AHCY: variants seen among roughly 807,000 people sequenced by gnomAD.
The protein encoded by AHCY is adenosylhomocysteinase.
In AHCY, 24 loss-of-function variants were observed where a neutral mutation model predicts 45.4. The ratio of observed to expected loss-of-function variants is 0.53; its 90% CI spans 0.38 to 0.74. The LOEUF is 0.74. Among genes scored for constraint, AHCY ranks in the 30% least tolerant of loss-of-function variants. The pLI is 0.00. For synonymous variants in AHCY, 245 were observed against 235.1 expected (o/e 1.04, Z -0.39); for missense variants, 449 against 594.1 (o/e 0.76, Z 2.54).
chr20:34,233,691 G>T, the AHCY span, among the ~76,000 whole-genome samples: 624 of 152,254 alleles, frequency 4.1e-3, 5 homozygotes, highest in African/African-American at 0.014. Flanking sequence ...TAAGCCCATT[G>T]TTGATGAGTT....
chr20:34,244,091 C>T, the AHCY span, among the ~76,000 whole-genome samples: 2 of 152,072 alleles, frequency 1.3e-5, no homozygotes, highest in Non-Finnish European at 2.9e-5. Context: ...CAAAAAAACT[C>T]TCATTCAAGA....
chr20:34,309,771 G>C (rs752679262), intron 1 of AHCY, among the ~76,000 whole-genome samples: 34 of 151,968 alleles, frequency 2.2e-4, no homozygotes, highest in Admixed American at 5.2e-4. Flanking sequence ...ACAAGAGCAA[G>C]ACTCTGTCTC....
At chr20:34,302,614 A>G (rs1235009346) in intron 1 of AHCY, 1 of 985,480 alleles carries the variant, frequency 1.0e-6, no homozygotes, top group Admixed American at 6.1e-5. Flanking sequence ...TCCCTGTATT[A>G]CACTTCAATC....
chr20:34,251,302 G>A, the AHCY span, among the ~76,000 whole-genome samples: 2 of 149,808 alleles, frequency 1.3e-5, no homozygotes, highest in South Asian at 2.1e-4. Context: ...ACAGAGTCTC[G>A]CTCCGTCGCC....
At chr20:34,249,103 T>C in the AHCY span, among the ~76,000 whole-genome samples, 1 of 151,966 alleles carries the variant, frequency 6.6e-6, no homozygotes, top group African/African-American at 2.4e-5. Context: ...CACTCCAGCC[T>C]GGGTGACAGA....
At chr20:34,311,655 T>C (rs2036950089) in exon 1 of AHCY, 1 of 152,492 alleles carries the variant, frequency 6.6e-6, no homozygotes, top group Non-Finnish European at 1.5e-5. Context: ...ACTGGAGGCT[T>C]CGAGATGGGA....
intron 9 of AHCY, among the ~76,000 whole-genome samples, chr20:34,283,204 C>T (rs539001754): frequency 1.9e-4 from 29 of 152,194 alleles, no homozygotes; most frequent in African/African-American, 6.7e-4. Flanking sequence ...CTCCCAGCAC[C>T]CTGAACCAGA....
chr20:34,302,830 GCC>G, intron 1 of AHCY: 1 of 985,428 alleles, frequency 1.0e-6, no homozygotes, highest in Non-Finnish European at 1.2e-6. Flanking sequence ...CCTGTAGGAG[GCC>G]CAGAGAGGGG....
At chr20:34,303,742 C>T (rs1239716402), upstream of AHCY, among the ~76,000 whole-genome samples, 1 of 152,158 alleles carries the variant, frequency 6.6e-6, no homozygotes, top group Non-Finnish European at 1.5e-5. Flanking sequence ...ACCTGTAATC[C>T]CAGCACTTTG....
the AHCY span, among the ~76,000 whole-genome samples, chr20:34,253,509 G>A: frequency 6.7e-6 from 1 of 150,320 alleles, no homozygotes; most frequent in Admixed American, 6.6e-5. Context: ...GTCTTGCTCC[G>A]TTGCCCAGGC....
the AHCY span, among the ~76,000 whole-genome samples, chr20:34,270,246 T>C: frequency 3.3e-5 from 5 of 150,900 alleles, no homozygotes; most frequent in Non-Finnish European, 7.4e-5. Context: ...AGTGAAACTC[T>C]GGTTAAAAAA....
the AHCY span, among the ~76,000 whole-genome samples, chr20:34,248,488 G>A: frequency 6.6e-6 from 1 of 152,148 alleles, no homozygotes; most frequent in Non-Finnish European, 1.5e-5. Context: ...TTTATTCTCA[G>A]AGGGCAAATC....
chr20:34,271,961 A>G, the AHCY span, among the ~76,000 whole-genome samples: 1 of 152,018 alleles, frequency 6.6e-6, no homozygotes, highest in African/African-American at 2.4e-5. Flanking sequence ...AAAGAACTCT[A>G]GCTAGCTTGA....
rs779095461 is a variant in AHCY, at chr20:34,285,493, G to A, written c.1114C>T (p.Leu372=). ...GGGTACTTGTCTGGATGGGTCCACA[G>A]CTCGATCTGCGCCATCACCTGGTTG... ...FTNQVMAQIE[L]WTHPDKYPVG... Residue 372 remains leucine (L), a synonymous_variant, in exon 9 of 10, where the codon CTG becomes TTG. Coordinates refer to ENST00000217426, the MANE Select transcript of AHCY (RefSeq NM_000687.4). The A allele has an allele frequency of 1.9e-5, 30 of 1,613,994 alleles. No individual in the cohort carries two copies. The African/African-American group carries it at 3.7e-4, about 20-fold the overall frequency.
the AHCY span, among the ~76,000 whole-genome samples, chr20:34,263,615 A>G: frequency 7.8e-6 from 1 of 128,814 alleles, no homozygotes; most frequent in East Asian, 1.9e-4. Context: ...TCTTGAACAC[A>G]TGTGTTTGAA....
At chr20:34,277,798 C>T (rs1329776282), downstream of AHCY, among the ~76,000 whole-genome samples, 1 of 150,484 alleles carries the variant, frequency 6.6e-6, no homozygotes, top group African/African-American at 2.4e-5. Context: ...AAAAACTCCT[C>T]ACTAATGTTC....
chr20:34,289,998 G>A (rs2036319228), intron 8 of AHCY, among the ~76,000 whole-genome samples: 1 of 152,268 alleles, frequency 6.6e-6, no homozygotes, highest in East Asian at 1.9e-4. Flanking sequence ...CCTAAGCTGA[G>A]GCTGCCATCA....
At chr20:34,268,423 G>A in the AHCY span, among the ~76,000 whole-genome samples, 1 of 152,108 alleles carries the variant, frequency 6.6e-6, no homozygotes, top group Non-Finnish European at 1.5e-5. Context: ...TAAGTTCAAA[G>A]AGAAACCACT....
At position 34,295,412 on chromosome 20, in the gene AHCY, C is replaced by T. The variant is rs199533546; in HGVS notation, c.202G>A (p.Val68Ile). 18 of 1,613,976 alleles carry T rather than the reference C, an allele frequency of 1.1e-5. No individual in the cohort carries two copies. The highest frequency in any genetic ancestry group is 6.7e-5 in the East Asian group (3 of 44,882). ...VETAVLIETL[V>I]TLGAEVQWSS... is the part of the protein sequence containing the mutation. Reference sequence around the variant, plus strand: ...GGCCTCACCTCAGCACCCAGGGTGACGAGGGTCTCAATGAGGACGGCCGTC... The same window carrying T: ...GGCCTCACCTCAGCACCCAGGGTGATGAGGGTCTCAATGAGGACGGCCGTC... Residue 68 changes from valine (V) to isoleucine (I), a missense_variant, in exon 2 of 10, where the codon GTC (valine) becomes ATC (isoleucine). Physicochemically the swap from Val to Ile is conservative, Grantham distance 29. Transcript: ENST00000217426.
Sources: allele counts gnomAD v4.1 joint callset (sites outside exome capture counted in the v4.1 genomes callset), GRCh38; gene constraint gnomAD v4.1.1; transcripts MANE v1.5; gene names NCBI Gene and HGNC (gene_info 2026-07-23, HGNC 2026-07-21).